JMJD1C: variants seen among roughly 807,000 people sequenced by gnomAD.
JMJD1C encodes jumonji domain-containing protein 1C.
Under a neutral mutation model 245.3 loss-of-function variants are expected in JMJD1C, and 31 were observed. That is an observed-to-expected ratio of 0.13 (90% CI 0.09 to 0.17). The LOEUF (loss-of-function observed/expected upper bound fraction) is 0.17, where lower values mean the gene tolerates loss of function less well. Among genes scored for constraint, JMJD1C ranks in the 10% least tolerant of loss-of-function variants. JMJD1C has a pLI of 1.00. For missense variants in JMJD1C, 2,691 were observed against 3,000.2 expected, an observed-to-expected ratio of 0.90 and a Z score of 2.41; for synonymous variants, 1,057 against 1,017.4, an observed-to-expected ratio of 1.04 and a Z score of -0.74.
At chr10:63,380,266 T>C in intron 2 of JMJD1C, 52 bp downstream of exon 2, 8 of 1,587,284 alleles carry the variant, frequency 5.0e-6, no homozygotes, top group Admixed American at 1.7e-5. Context: ...TTGTTGTTCT[T>C]TGTTTTAAAC....
At chr10:63,333,202 C>A (rs576616763) in intron 2 of JMJD1C, among the ~76,000 whole-genome samples, 14 of 152,068 alleles carry the variant, frequency 9.2e-5, no homozygotes, top group South Asian at 6.2e-4. Context: ...ATTTTTAAAA[C>A]AAATCACATA....
At chr10:63,314,708 T>TGCGAGCTC (rs1233539875) in intron 2 of JMJD1C, among the ~76,000 whole-genome samples, 1 of 151,746 alleles carries the variant, frequency 6.6e-6, no homozygotes, top group African/African-American at 2.4e-5. Context: ...AGTGTAATGG[T>TGCGAGCTC]GCGAGCTCAG....
intron 1 of JMJD1C, among the ~76,000 whole-genome samples, chr10:63,514,116 A>C (rs982792810): frequency 1.3e-5 from 2 of 152,196 alleles, no homozygotes; most frequent in African/African-American, 2.4e-5. Flanking sequence ...CTATTACTAA[A>C]AAGTCAAAAA....
chr10:63,181,995 A>G (rs758032519), intron 22 of JMJD1C, among the ~76,000 whole-genome samples: 11 of 152,234 alleles, frequency 7.2e-5, no homozygotes, highest in Non-Finnish European at 1.5e-4. Context: ...AAAGCTGAGT[A>G]GCATAATGTA....
chr10:63,298,741 C>A (rs1564751577), intron 2 of JMJD1C, among the ~76,000 whole-genome samples: 2 of 151,342 alleles, frequency 1.3e-5, no homozygotes. Flanking sequence ...TCATTCTAAT[C>A]TTTTTTTTTA....
chr10:63,361,366 T>G (rs907623448), intron 2 of JMJD1C, among the ~76,000 whole-genome samples: 1 of 152,160 alleles, frequency 6.6e-6, no homozygotes, highest in Admixed American at 6.6e-5. Flanking sequence ...GAGGTTGCAG[T>G]GAGCTGAGAT....
At chr10:63,302,217 T>C (rs1860177660) in intron 2 of JMJD1C, among the ~76,000 whole-genome samples, 1 of 152,146 alleles carries the variant, frequency 6.6e-6, no homozygotes, top group Non-Finnish European at 1.5e-5. Flanking sequence ...TCCAGTCTTC[T>C]AATACATACA....
intron 3 of JMJD1C, among the ~76,000 whole-genome samples, chr10:63,245,336 T>C (rs957349335): frequency 6.6e-6 from 1 of 151,872 alleles, no homozygotes; most frequent in Admixed American, 6.6e-5. Flanking sequence ...GACTGGGCAA[T>C]TTACAAAAGA....
chr10:63,190,986 G>GT lies in JMJD1C; in HGVS notation c.6198dup (p.Arg2067ThrfsTer33). The GT allele has an allele frequency of 6.2e-7, 1 of 1,614,136 alleles. No individual in the cohort carries two copies. The highest frequency in any genetic ancestry group is 2.2e-5 in the East Asian group (1 of 44,886). On this transcript the variant is annotated frameshift_variant, in exon 17 of 26. Transcript: ENST00000399262. LOFTEE classifies it high-confidence loss of function. ...CCAGCTGTTGTAGTCAGCAAATCCC[G>GT]TAAGGTTGAGCCTTGTTCATTATTC...
Position 63,198,449 on chromosome 10 carries a change from A to G in JMJD1C, c.5491+64T>C, listed in dbSNP as rs977768500. On this transcript the variant is annotated intron_variant, in intron 12 of 25. Coordinates refer to ENST00000399262, the MANE Select transcript of JMJD1C (RefSeq NM_032776.3). ...AAGATTAGGGACTTCTTTCACAAAC[A>G]TAATTCAAAGAGAAATTCTTAAAAT... 19 of 1,025,320 alleles carry G rather than the reference A, an allele frequency of 1.9e-5. No homozygotes were observed. In the African/African-American group the frequency reaches 2.4e-4, roughly 13 times the overall value. 63.5% of individuals were successfully genotyped at this position (1,025,320 alleles called of 1,614,324 possible). A position where few individuals can be genotyped will look rare whatever the true frequency, so the allele number is the denominator to read the frequency against.
chr10:63,233,669 T>C (rs2133412578), intron 3 of JMJD1C, among the ~76,000 whole-genome samples: 1 of 151,488 alleles, frequency 6.6e-6, no homozygotes, highest in East Asian at 1.9e-4. Flanking sequence ...AAAACATTCC[T>C]TTTACTTTTC....
chr10:63,374,703 A>C (rs1946581665), intron 2 of JMJD1C, among the ~76,000 whole-genome samples: 1 of 152,236 alleles, frequency 6.6e-6, no homozygotes, highest in African/African-American at 2.4e-5. Flanking sequence ...TCAAACATTA[A>C]GGAAATGGGT....
intron 19 of JMJD1C, 23 bp from the exon 20 acceptor site, chr10:63,185,676 CTAAAAGGGTAATTTCTGCCT>C: frequency 7.6e-7 from 1 of 1,311,876 alleles, no homozygotes; most frequent in Non-Finnish European, 1.1e-6. Context: ...CAGTTAATTA[CTAAAAGGGTAATTTCTGCCT>C]TTTTATCTTT....
At position 63,209,249 on chromosome 10, in the gene JMJD1C, A is replaced by G; in HGVS notation, c.2695-14T>C. ...ACTGGGAGAATTCTATTAACAAAAC[A>G]AAACAAAAAAAACACCTAGATTTCA... On this transcript the variant is annotated splice_polypyrimidine_tract_variant and intron_variant, in intron 8 of 25. Coordinates refer to ENST00000399262, the MANE Select transcript of JMJD1C (RefSeq NM_032776.3). 1.9e-6 allele frequency: 3 copies of G among 1,580,366 alleles called. No homozygotes were observed.
In JMJD1C at chr10:63,214,806, G is replaced by A; in HGVS notation, c.1361C>T (p.Thr454Ile). The change falls in exon 8 of 26, where the codon ACT (threonine) becomes ATT (isoleucine). Residue 454 changes from threonine to isoleucine, a missense_variant. Transcript: ENST00000399262. ...AATAATCATATCTTCTTGAAGCTGA[G>A]TGTCAACAGACTTCCGCTTCTCTGC... ...EEAEKRKSVD[T>I]QLQEDMIIHS... 1 of 1,613,654 alleles carries A rather than the reference G, an allele frequency of 6.2e-7. No individual in the cohort carries two copies. The highest frequency in any genetic ancestry group is 2.2e-5 in the East Asian group (1 of 44,858).
intron 2 of JMJD1C, among the ~76,000 whole-genome samples, chr10:63,346,792 G>A (rs1269489653): frequency 1.3e-5 from 2 of 151,998 alleles, no homozygotes; most frequent in African/African-American, 2.4e-5. Flanking sequence ...TATCTACTTG[G>A]CTACTATTTT....
chr10:63,260,591 A>G (rs962814149), intron 3 of JMJD1C, among the ~76,000 whole-genome samples: 2 of 152,008 alleles, frequency 1.3e-5, no homozygotes, highest in Non-Finnish European at 2.9e-5. Flanking sequence ...ACAACAAAAA[A>G]AAAACTATTT....
intron 2 of JMJD1C, chr10:63,269,123 A>G (rs1855983776): frequency 3.0e-6 from 3 of 985,484 alleles, no homozygotes; most frequent in Non-Finnish European, 3.6e-6. Context: ...TAAAGAGAAC[A>G]GCCATCCATC....
intron 10 of JMJD1C, chr10:63,203,346 T>C (rs1361820912): frequency 5.1e-6 from 5 of 984,424 alleles, no homozygotes; most frequent in South Asian, 4.7e-5. Flanking sequence ...ACTCAATGGA[T>C]ACTTCTTCAT....
Sources: allele counts gnomAD v4.1 joint callset (sites outside exome capture counted in the v4.1 genomes callset), GRCh38; gene constraint gnomAD v4.1.1; transcripts MANE v1.5; gene names NCBI Gene and HGNC (gene_info 2026-07-23, HGNC 2026-07-21).